Variants in OTOF observed in about 807,000 individuals in gnomAD.
OTOF encodes fer-1-like family member 2.
OTOF carries 218 observed loss-of-function variants against 236.8 expected under a neutral mutation model. The observed-to-expected ratio is 0.92, with a 90% CI of 0.82 to 1.03. The LOEUF (loss-of-function observed/expected upper bound fraction) is 1.03, where lower values mean the gene tolerates loss of function less well. OTOF is among the 50% of genes least tolerant of loss of function. The pLI, the probability that OTOF is intolerant of heterozygous loss-of-function variation, is 0.00. For missense variants in OTOF, 2,590 were observed against 2,694.4 expected (o/e 0.96, Z 0.86); for synonymous variants, 1,041 against 1,072.5 (o/e 0.97, Z 0.57).
At chr2:26,480,653 A>G in intron 15 of OTOF, 133 bp downstream of exon 15, 1 of 745,984 alleles carries the variant, frequency 1.3e-6, no homozygotes. Flanking sequence ...CTTCCTGGGG[A>G]GAAGCCTTAT....
At chr2:26,526,970 T>C (rs1666822473) in intron 3 of OTOF, among the ~76,000 whole-genome samples, 1 of 152,058 alleles carries the variant, frequency 6.6e-6, no homozygotes, top group South Asian at 2.1e-4. Flanking sequence ...GGACTACAGG[T>C]GTGTGCCACA....
At chr2:26,494,126 C>T (rs979005969) in intron 9 of OTOF, among the ~76,000 whole-genome samples, 1 of 152,238 alleles carries the variant, frequency 6.6e-6, no homozygotes, top group East Asian at 1.9e-4. Flanking sequence ...GGTGGGCAGC[C>T]TGGCCCCTGC....
At chr2:26,555,172 G>C (rs1412863859) in intron 1 of OTOF, among the ~76,000 whole-genome samples, 1 of 152,238 alleles carries the variant, frequency 6.6e-6, no homozygotes, top group East Asian at 1.9e-4. Context: ...CTCTCTTTGA[G>C]TAGCAACCTG....
At position 26,464,959 on chromosome 2, in the gene OTOF, T is replaced by C. The variant is rs760975199; in HGVS notation, c.4870A>G (p.Lys1624Glu). 6.4e-7 allele frequency: 1 copy of C among 1,564,366 alleles called. No homozygotes were observed. The highest frequency in any genetic ancestry group is 8.7e-7 in the Non-Finnish European group (1 of 1,153,232). ...QILTRLCKDGKVDGPHFGPPG... is the reference protein window; with the variant it reads ...QILTRLCKDGEVDGPHFGPPG... ...GGCCCAAAGTGGGGGCCGTCCACTT[T>C]GCCGTCTTTGCAGAGGCGGGTCAGG... Residue 1624 changes from lysine to glutamate, a missense_variant, in exon 39 of 47, where the codon AAA (lysine) becomes GAA (glutamate). By Grantham distance (56) the Lys-to-Glu change is moderately conservative. Coordinates refer to ENST00000272371, the MANE Select transcript of OTOF (RefSeq NM_194248.3).
intron 5 of OTOF, 143 bp downstream of exon 5, chr2:26,516,275 C>T: frequency 1.3e-6 from 1 of 781,802 alleles, no homozygotes. Context: ...AACATCTTCC[C>T]ACCCCTTGGA....
intron 2 of OTOF, among the ~76,000 whole-genome samples, chr2:26,533,552 A>C (rs1016882171): frequency 2.0e-5 from 3 of 152,082 alleles, no homozygotes; most frequent in Non-Finnish European, 4.4e-5. Context: ...TCCCCACTCT[A>C]AGACCTGTTT....
chr2:26,475,530 A>AG (rs1443676376), intron 24 of OTOF, 37 bp from the exon 25 acceptor site: 2 of 1,603,226 alleles, frequency 1.2e-6, no homozygotes, highest in African/African-American at 2.7e-5. Context: ...GACAAGTGAC[A>AG]GAGGGGGGGG....
At chr2:26,549,585 T>A (rs1667410107) in intron 1 of OTOF, among the ~76,000 whole-genome samples, 1 of 152,194 alleles carries the variant, frequency 6.6e-6, no homozygotes, top group African/African-American at 2.4e-5. Flanking sequence ...CCCTTTATTA[T>A]CCACAAATTG....
intron 30 of OTOF, among the ~76,000 whole-genome samples, chr2:26,471,387 G>C (rs956712788): frequency 6.6e-6 from 1 of 152,172 alleles, no homozygotes; most frequent in Non-Finnish European, 1.5e-5. Flanking sequence ...TGTGTTCCAG[G>C]CTGGCCCACG....
intron 15 of OTOF, 37 bp from the exon 16 acceptor site, chr2:26,480,348 G>T: frequency 1.5e-6 from 2 of 1,299,742 alleles, no homozygotes; most frequent in Non-Finnish European, 2.2e-6. Flanking sequence ...CTGAGCTTGA[G>T]TAAGGGTGGC....
intron 5 of OTOF, among the ~76,000 whole-genome samples, chr2:26,512,652 C>A (rs1017638254): frequency 6.6e-6 from 1 of 152,126 alleles, no homozygotes; most frequent in Non-Finnish European, 1.5e-5. Flanking sequence ...CAGTAAGGCT[C>A]CTGTGTGGGC....
rs747918778 is a variant in OTOF at position 26,468,407 on chromosome 2, C to T, written c.4090+1G>A. 1 of 1,613,094 alleles carries T rather than the reference C, an allele frequency of 6.2e-7. No homozygotes were observed. Among genetic ancestry groups the T allele is most frequent in the South Asian group, 1.1e-5 (1 of 91,064 alleles). ...GCAGAGTTCCAGGTTCCAGGGCTCA[C>T]CCTCGGTATTGTCCACTTCCTCCTT... On this transcript the variant is annotated splice_donor_variant, in intron 33 of 46. Transcript: ENST00000272371. LOFTEE classifies it high-confidence loss of function.
chr2:26,534,875 A>G (rs146273706), intron 2 of OTOF, among the ~76,000 whole-genome samples: 1 of 152,308 alleles, frequency 6.6e-6, no homozygotes, highest in Admixed American at 6.5e-5. Flanking sequence ...AAGAAGGTTC[A>G]GGGGGATTTG....
intron 5 of OTOF, among the ~76,000 whole-genome samples, chr2:26,513,551 T>C (rs543872730): frequency 1.3e-5 from 2 of 152,306 alleles, no homozygotes; most frequent in South Asian, 4.1e-4. Flanking sequence ...AGGGAGCGGC[T>C]GATCCCCACG....
chr2:26,478,075 G>A (rs1665407938), intron 18 of OTOF: 4 of 1,415,612 alleles, frequency 2.8e-6, no homozygotes, highest in Non-Finnish European at 3.7e-6. Flanking sequence ...GAGACAGAGG[G>A]AAACCCTAGG....
chr2:26,477,130 C>A lies in OTOF; in HGVS notation c.2523+42G>T. On this transcript the variant is annotated intron_variant, in intron 21 of 46. Transcript: ENST00000272371. The surrounding 1 kb of genome is among the most constrained non-coding windows in gnomAD (Gnocchi z 4.7). ...CCTGATCCTGAGGGGCCCCAGAGAGCCAGCCCTGGATGAGGCAAAGCCCCG... is the reference window on the plus strand; with the variant it reads ...CCTGATCCTGAGGGGCCCCAGAGAGACAGCCCTGGATGAGGCAAAGCCCCG... 6.3e-7 allele frequency: 1 copy of A among 1,588,848 alleles called. No homozygotes were observed. The highest frequency in any genetic ancestry group is 8.6e-7 in the Non-Finnish European group (1 of 1,164,450).
intron 30 of OTOF, 190 bp downstream of exon 30, chr2:26,472,329 G>A (rs544896955): frequency 3.5e-4 from 244 of 701,906 alleles, no homozygotes; most frequent in East Asian, 1.6e-3. Flanking sequence ...CCACACGCAC[G>A]CGTGTGCATT....
At chr2:26,515,490 A>C (rs1198916521) in intron 5 of OTOF, among the ~76,000 whole-genome samples, 1 of 152,250 alleles carries the variant, frequency 6.6e-6, no homozygotes, top group Non-Finnish European at 1.5e-5. Context: ...AACTCATTCA[A>C]GTGCAAAGGA....
chr2:26,476,896 G>A lies in OTOF; in HGVS notation c.2671C>T (p.Leu891Phe). ...CATCCTGCCCCCTCCAGCACCTTAA[G>A]GAAGAGCGTCTTGACCTTGGCGCAG... The part of the protein sequence containing the change: ...KDCAKVKTLF[L>F]KLPGKRGFGS... Residue 891 changes from leucine (L) to phenylalanine (F), a missense_variant, in exon 22 of 47, where the codon CTT (leucine) becomes TTT (phenylalanine). This residue lies in a region of OTOF where 1,379 missense variants were observed against 1,341.6 expected (regional missense o/e 1.03). Coordinates refer to ENST00000272371, the MANE Select transcript of OTOF (RefSeq NM_194248.3). The A allele has an allele frequency of 6.2e-7, 1 of 1,609,684 alleles. No homozygotes were observed. Among genetic ancestry groups the A allele is most frequent in the South Asian group, 1.1e-5 (1 of 91,056 alleles).
Sources: gnomAD v4.1 joint callset for allele counts (sites outside exome capture counted in the v4.1 genomes callset) on GRCh38, gnomAD v4.1.1 for gene constraint, gnomAD v4.1.1 regional missense constraint, Gnocchi (gnomAD v3.1) non-coding constraint, MANE v1.5 for transcripts, NCBI Gene and HGNC (gene_info 2026-07-23, HGNC 2026-07-21) for gene names.